Variants in MYH9 observed in about 807,000 individuals in gnomAD.
The protein encoded by MYH9 is myosin heavy chain 9.
MYH9 carries 29 observed loss-of-function variants against 241.9 expected under a neutral mutation model. The observed-to-expected ratio is 0.12, with a 90% CI of 0.09 to 0.16. The LOEUF (loss-of-function observed/expected upper bound fraction) is 0.16. Among genes scored for constraint, MYH9 ranks in the 10% least tolerant of loss-of-function variants. The probability of loss-of-function intolerance (pLI) is 1.00; values close to 1 mark genes in which losing one functional copy is unlikely to be tolerated. For missense variants in MYH9, 1,803 were observed against 2,595.5 expected, an observed-to-expected ratio of 0.69 and a Z score of 6.63; for synonymous variants, 1,047 against 1,062.6, an observed-to-expected ratio of 0.99 and a Z score of 0.29.
chr22:36,340,601 C>T (rs576876413), intron 3 of MYH9, among the ~76,000 whole-genome samples: 1 of 150,274 alleles, frequency 6.7e-6, no homozygotes, highest in East Asian at 2.0e-4. Context: ...GCGGAGGTTG[C>T]AGTGAGCCAA....
chr22:36,302,507 G>C (rs2016895344), intron 20 of MYH9, 61 bp downstream of exon 20: 1 of 1,362,222 alleles, frequency 7.3e-7, no homozygotes, highest in Non-Finnish European at 1.0e-6. Context: ...CAATTAGCCA[G>C]GTATGTATGG....
rs888907032 is a variant in MYH9 at position 36,312,162 on chromosome 22, C to G, written c.1615G>C (p.Asp539His). The stretch of plus-strand genomic sequence containing the variant: ...ATCACCTTCTCCACGAAGCTCTTGT[C>G]GGTGGCTTTGGGGAACCAGCACTCC... ...DEECWFPKATDKSFVEKVMQE... is the reference protein window; with the variant it reads ...DEECWFPKATHKSFVEKVMQE... The change falls in exon 14 of 41, where the codon GAC (aspartate) becomes CAC (histidine). Residue 539 changes from aspartate (D) to histidine (H), a missense_variant. Transcript: ENST00000216181. 8.1e-6 allele frequency: 13 copies of G among 1,614,038 alleles called. No homozygotes were observed. The highest frequency in any genetic ancestry group is 1.7e-5 in the Admixed American group (1 of 60,006).
intron 24 of MYH9, chr22:36,297,292 T>G: frequency 2.0e-6 from 1 of 497,846 alleles, no homozygotes; most frequent in South Asian, 2.3e-5. Context: ...CTTGGTTCCC[T>G]TGAAGGCTGT....
chr22:36,282,852 CCA>C (rs2016515884), intron 40 of MYH9, 67 bp from the exon 41 acceptor site: 2 of 1,364,786 alleles, frequency 1.5e-6, no homozygotes, highest in Non-Finnish European at 2.0e-6. Flanking sequence ...ACAGCACAGC[CCA>C]CACATCTCAA....
In MYH9 at chr22:36,300,351, ACG is replaced by A. The variant is rs2016857179; in HGVS notation, c.2839-89_2839-88del. 1 of 1,577,560 alleles carries A rather than the reference ACG, an allele frequency of 6.3e-7. No homozygotes were observed. Among genetic ancestry groups the A allele is most frequent in the African/African-American group, 1.3e-5 (1 of 74,382 alleles). On this transcript the variant is annotated intron_variant, in intron 22 of 40. Transcript: ENST00000216181. This position sits in a 1 kb window ranked among gnomAD's most constrained non-coding sequence, Gnocchi z 5.0. ...AGCAAGGTCCGAAGGCCAGATCCAA[ACG>A]CCAAGGAGAAAATAGCAAGGTCTGT...
At chr22:36,296,091 A>G (rs1012807012) in intron 25 of MYH9, among the ~76,000 whole-genome samples, 37 of 152,246 alleles carry the variant, frequency 2.4e-4, no homozygotes, top group Non-Finnish European at 2.4e-4. Flanking sequence ...TGACAGGTCA[A>G]CGTAGGTTCA....
At chr22:36,283,533 G>A (rs866310542) in intron 40 of MYH9, among the ~76,000 whole-genome samples, 23 of 139,762 alleles carry the variant, frequency 1.6e-4, no homozygotes, top group Admixed American at 2.2e-4. Flanking sequence ...GCGAAACTCC[G>A]TCTCAAAAAA....
In MYH9 at chr22:36,294,274, T is replaced by G; in HGVS notation, c.3655A>C (p.Lys1219Gln). 6.2e-7 allele frequency: 1 copy of G among 1,614,032 alleles called. No individual in the cohort carries two copies. The highest frequency in any genetic ancestry group is 8.5e-7 in the Non-Finnish European group (1 of 1,180,036). ...KRVKANLEKA[K>Q]QTLENERGEL... ...CCCCGCTCGTTCTCCAGAGTCTGCT[T>G]TGCCTTCTCGAGGTTTGCTTTCACC... Residue 1219 changes from lysine to glutamine, a missense_variant, in exon 28 of 41, where the codon AAG (lysine) becomes CAG (glutamine). Physicochemically the swap from Lys to Gln is moderately conservative, Grantham distance 53 (BLOSUM62 1). Around this residue, in one of 11 missense-constraint regions of MYH9, gnomAD observed 876 missense variants for 1,077.8 expected, o/e 0.81. Transcript: ENST00000216181.
In MYH9 at chr22:36,294,158, C is replaced by T. The variant is rs1191068124; in HGVS notation, c.3771G>A (p.Leu1257=). ...GCTCTCCCTCGTTGAACTTGACCTG[C>T]AGCTCCTGCAGCTGCGCCTCCACTT... is the stretch of plus-strand genomic sequence containing the variant. ...RKKVEAQLQE[L]QVKFNEGERV... Residue 1257 remains leucine, a synonymous_variant, in exon 28 of 41, where the codon CTG becomes CTA. Coordinates refer to ENST00000216181, the MANE Select transcript of MYH9 (RefSeq NM_002473.6). 6.2e-7 allele frequency: 1 copy of T among 1,613,268 alleles called. No homozygotes were observed. The highest frequency in any genetic ancestry group is 8.5e-7 in the Non-Finnish European group (1 of 1,180,030).
Position 36,361,930 on chromosome 22 carries a change from C to G in MYH9, c.-19-12675G>C, listed in dbSNP as rs373405421. On this transcript the variant is annotated intron_variant, in intron 1 of 40. Coordinates refer to ENST00000216181, the MANE Select transcript of MYH9 (RefSeq NM_002473.6). ...ACTAAAAATACAAAAATTAGCCAGG[C>G]GTGATGGTGTGCGCCTGTAATCCCA... Among the ~76,000 whole-genome samples the G allele has an allele frequency of 7.2e-5, 11 of 152,194 alleles. No individual in the cohort carries two copies. In the East Asian group the frequency reaches 2.1e-3, roughly 29 times the overall value.
At chr22:36,319,258 G>A (rs1214295517) in intron 10 of MYH9, among the ~76,000 whole-genome samples, 9 of 152,138 alleles carry the variant, frequency 5.9e-5, no homozygotes, top group Admixed American at 1.3e-4. Context: ...GAGGAGCTAC[G>A]GCAGAAATCA....
At position 36,285,142 on chromosome 22, in the gene MYH9, T is replaced by C. The variant is rs1314576202; in HGVS notation, c.5462A>G (p.Glu1821Gly). 25 of 1,614,104 alleles carry C rather than the reference T, an allele frequency of 1.5e-5. No homozygotes were observed. Among genetic ancestry groups the C allele is most frequent in the Non-Finnish European group, 2.1e-5 (25 of 1,180,028 alleles). The change falls in exon 38 of 41, where the codon GAG (glutamate) becomes GGG (glycine). Residue 1821 changes from glutamate (E) to glycine (G), a missense_variant. Glu to Gly is a moderately conservative substitution (Grantham distance 98, BLOSUM62 -2). Around this residue, in one of 11 missense-constraint regions of MYH9, gnomAD observed 876 missense variants for 1,077.8 expected, o/e 0.81. Transcript: ENST00000216181. This position sits in a 1 kb window ranked among gnomAD's most constrained non-coding sequence, Gnocchi z 7.0. ...GTACTTGGTCTCGTTGTCCAGCTGC[T>C]CCTCCAGCTGTGCAATCTTGGCCTC... ...ALEAKIAQLEEQLDNETKERQ... is the reference protein window; with the variant it reads ...ALEAKIAQLEGQLDNETKERQ...
At chr22:36,304,848 C>T (rs2016943637) in intron 18 of MYH9, among the ~76,000 whole-genome samples, 185 bp downstream of exon 18, 1 of 152,248 alleles carries the variant, frequency 6.6e-6, no homozygotes, top group Non-Finnish European at 1.5e-5. Flanking sequence ...AACACCATCC[C>T]TGGCTATCTG....
intron 14 of MYH9, 32 bp downstream of exon 14, chr22:36,312,017 C>A (rs1266614664): frequency 6.2e-7 from 1 of 1,613,176 alleles, no homozygotes; most frequent in Admixed American, 1.7e-5. Flanking sequence ...CTGTGAAGAT[C>A]TGGCCAGCAC....
At chr22:36,367,057 A>C (rs971567137) in intron 1 of MYH9, among the ~76,000 whole-genome samples, 1 of 152,188 alleles carries the variant, frequency 6.6e-6, no homozygotes, top group African/African-American at 2.4e-5. Context: ...GGGCTCGCAG[A>C]GACTCTGCAG....
chr22:36,313,936 G>A (rs2017108921), intron 13 of MYH9, among the ~76,000 whole-genome samples: 1 of 152,198 alleles, frequency 6.6e-6, no homozygotes, highest in Non-Finnish European at 1.5e-5. Context: ...GCCCACAGCT[G>A]CAGCCCAGAG....
At chr22:36,376,845 C>A (rs7290672) in intron 1 of MYH9, among the ~76,000 whole-genome samples, 1 of 152,070 alleles carries the variant, frequency 6.6e-6, no homozygotes, top group African/African-American at 2.4e-5. Flanking sequence ...AGGTGATCAC[C>A]TGAGGTCTAG....
intron 1 of MYH9, among the ~76,000 whole-genome samples, chr22:36,384,102 C>G (rs1359590853): frequency 6.6e-6 from 1 of 151,468 alleles, no homozygotes; most frequent in African/African-American, 2.4e-5. Flanking sequence ...AAAATCCCAT[C>G]TCTACTAAAA....
In MYH9 at chr22:36,329,040, AG is replaced by A. The variant is rs1249245638; in HGVS notation, c.491-1553del. On this transcript the variant is annotated intron_variant, in intron 3 of 40. Coordinates refer to ENST00000216181, the MANE Select transcript of MYH9 (RefSeq NM_002473.6). The surrounding 1 kb of genome is among the most constrained non-coding windows in gnomAD (Gnocchi z 4.1). ...GCCCACTGGTCATTCAGGAGGGAAA[AG>A]GAAGCCCAGACAGAAAGAAGAAAAA... is the stretch of plus-strand genomic sequence containing the variant. The A allele has an allele frequency of 6.6e-6, 1 of 152,298 alleles. No homozygotes were observed. Among genetic ancestry groups the A allele is most frequent in the Non-Finnish European group, 1.5e-5 (1 of 68,150 alleles). The allele number at this position is 152,298 out of a possible 1,614,324, so 9.4% of individuals were successfully genotyped here.
Sources: gnomAD v4.1 joint callset for allele counts (sites outside exome capture counted in the v4.1 genomes callset) on GRCh38, gnomAD v4.1.1 for gene constraint, gnomAD v4.1.1 regional missense constraint, Gnocchi (gnomAD v3.1) non-coding constraint, MANE v1.5 for transcripts, NCBI Gene and HGNC (gene_info 2026-07-23, HGNC 2026-07-21) for gene names.